SEC14L5: variants seen among roughly 807,000 people sequenced by gnomAD.
SEC14L5 encodes the protein SEC14 like lipid binding 5, also known as SEC14-like protein 5.
SEC14L5 carries 96 observed loss-of-function variants against 84.6 expected under a neutral mutation model. That is an observed-to-expected ratio of 1.13 (90% CI 0.96 to 1.34). SEC14L5 has a LOEUF of 1.34. Ranked by LOEUF, SEC14L5 falls within the 40% of genes most tolerant of loss-of-function variation. The pLI is 0.00. For missense variants in SEC14L5, 1,224 were observed against 942.5 expected, an observed-to-expected ratio of 1.30 and a Z score of -3.91; for synonymous variants, 546 against 383.4, an observed-to-expected ratio of 1.42 and a Z score of -4.95.
chr16:5,002,633 TG>T (rs1348521869), intron 10 of SEC14L5, among the ~76,000 whole-genome samples: 2 of 152,140 alleles, frequency 1.3e-5, no homozygotes, highest in African/African-American at 4.8e-5. Flanking sequence ...CATGAAGGGA[TG>T]CTTTGGAGAG....
chr16:4,985,491 G>T (rs866811690), intron 2 of SEC14L5, among the ~76,000 whole-genome samples: 8 of 152,270 alleles, frequency 5.3e-5, no homozygotes, highest in Admixed American at 1.3e-4. Context: ...GCCCCCCAAG[G>T]TTCTGGGATT....
At position 5,015,044 on chromosome 16, in the gene SEC14L5, T is replaced by G; in HGVS notation, c.*74T>G. ...TGTCCAGAATGAGAAGCCAGCTAAC[T>G]GCAGGGCCTGGGACCATGTGGGCTG... On this transcript the variant is annotated 3_prime_UTR_variant, in exon 16 of 16. Transcript: ENST00000251170. The G allele has an allele frequency of 1.7e-6, 2 of 1,207,400 alleles. No individual in the cohort carries two copies. Among genetic ancestry groups the G allele is most frequent in the Non-Finnish European group, 2.4e-6 (2 of 835,084 alleles). 74.8% of individuals were successfully genotyped at this position (1,207,400 alleles called of 1,614,324 possible).
chr16:4,964,231 C>T (rs1029356620), intron 2 of SEC14L5, among the ~76,000 whole-genome samples: 5 of 152,242 alleles, frequency 3.3e-5, no homozygotes, highest in Non-Finnish European at 7.3e-5. Flanking sequence ...GTCCCGAAGG[C>T]CATGCTCTGC....
intron 2 of SEC14L5, among the ~76,000 whole-genome samples, chr16:4,963,251 T>G (rs570542653): frequency 1.3e-5 from 2 of 152,190 alleles, no homozygotes; most frequent in Non-Finnish European, 2.9e-5. Context: ...CTTAAAAAAT[T>G]TATCTAGTCA....
chr16:4,970,327 G>C lies in SEC14L5; in HGVS notation c.63+10941G>C, dbSNP rs372763384. Among the ~76,000 whole-genome samples the C allele has an allele frequency of 3.9e-5, 6 of 152,226 alleles. No homozygotes were observed. The South Asian group carries it at 8.3e-4, about 21-fold the overall frequency. On this transcript the variant is annotated intron_variant, in intron 2 of 15. Transcript: ENST00000251170. Reference sequence around the variant, plus strand: ...GGGAAGCAGGGAGTGGGGAGGTGGGGGATGTTAAGCAGGGTTTAGCCTATG... The same window carrying C: ...GGGAAGCAGGGAGTGGGGAGGTGGGCGATGTTAAGCAGGGTTTAGCCTATG...
At chr16:4,999,682 A>G (rs1271953032) in intron 8 of SEC14L5, among the ~76,000 whole-genome samples, 1 of 152,038 alleles carries the variant, frequency 6.6e-6, no homozygotes, top group African/African-American at 2.4e-5. Context: ...TGGAAGGCCG[A>G]GGCGGCAGAT....
At chr16:4,968,884 C>T (rs769404865) in intron 2 of SEC14L5, among the ~76,000 whole-genome samples, 1 of 152,250 alleles carries the variant, frequency 6.6e-6, no homozygotes, top group Non-Finnish European at 1.5e-5. Flanking sequence ...TATTTAAAGA[C>T]CTGGCCTTGT....
intron 8 of SEC14L5, 28 bp from the exon 9 acceptor site, chr16:5,000,627 T>C (rs967237614): frequency 4.6e-6 from 7 of 1,524,764 alleles, no homozygotes; most frequent in Non-Finnish European, 5.3e-6. Flanking sequence ...TAACGGGCTC[T>C]TCTTTCTGCT....
intron 2 of SEC14L5, among the ~76,000 whole-genome samples, chr16:4,981,996 G>A (rs962566283): frequency 6.6e-6 from 1 of 152,130 alleles, no homozygotes. Context: ...TTGCCAGCTC[G>A]CTGAGTCCAG....
chr16:4,993,165 C>T (rs1192585989), intron 6 of SEC14L5, among the ~76,000 whole-genome samples: 1 of 152,124 alleles, frequency 6.6e-6, no homozygotes, highest in African/African-American at 2.4e-5. Flanking sequence ...GCCCCAGCTT[C>T]CTGAGTAGCT....
intron 11 of SEC14L5, among the ~76,000 whole-genome samples, 200 bp downstream of exon 11, chr16:5,003,773 T>A (rs1955702675): frequency 6.6e-6 from 1 of 152,232 alleles, no homozygotes; most frequent in African/African-American, 2.4e-5. Context: ...GTTAAGCAAT[T>A]GTCACCACTA....
chr16:5,007,927 A>G (rs1340338450), intron 13 of SEC14L5, among the ~76,000 whole-genome samples: 5 of 65,106 alleles, frequency 7.7e-5, no homozygotes, highest in East Asian at 4.3e-4. Flanking sequence ...TTTTTTTTTG[A>G]GACCGAGTCT....
At chr16:4,995,252 G>C (rs1289250343) in intron 6 of SEC14L5, among the ~76,000 whole-genome samples, 1 of 152,318 alleles carries the variant, frequency 6.6e-6, no homozygotes, top group East Asian at 1.9e-4. Flanking sequence ...GAGATGCCAC[G>C]AGGCCTCTGC....
In SEC14L5 at chr16:4,961,714, C is replaced by T. The variant is rs563885605; in HGVS notation, c.63+2328C>T. Among the ~76,000 whole-genome samples the T allele has an allele frequency of 9.2e-5, 14 of 152,250 alleles. No individual in the cohort carries two copies. In the South Asian group the frequency reaches 2.5e-3, roughly 27 times the overall value. On this transcript the variant is annotated intron_variant, in intron 2 of 15. Coordinates refer to ENST00000251170, the MANE Select transcript of SEC14L5 (RefSeq NM_014692.2). ...TTGTAAATATTTTCAGAACCCTAAA[C>T]GTGACAAATTAAGTTGGAATTTATT...
intron 2 of SEC14L5, among the ~76,000 whole-genome samples, chr16:4,974,093 G>A (rs1206134199): frequency 2.6e-5 from 4 of 152,116 alleles, no homozygotes; most frequent in African/African-American, 2.4e-5. Context: ...GGGAGGGGGC[G>A]GAGATGGGGT....
chr16:5,013,604 G>A (rs1051009406), intron 15 of SEC14L5, among the ~76,000 whole-genome samples: 2 of 134,374 alleles, frequency 1.5e-5, no homozygotes, highest in East Asian at 2.2e-4. Flanking sequence ...TGTCACCCAG[G>A]CTGGAGTACA....
At chr16:4,990,450 G>A (rs1031103900) in intron 4 of SEC14L5, among the ~76,000 whole-genome samples, 5 of 152,202 alleles carry the variant, frequency 3.3e-5, no homozygotes, top group African/African-American at 1.2e-4. Context: ...GGCGTGAGCC[G>A]CCATGCCCGA....
intron 10 of SEC14L5, among the ~76,000 whole-genome samples, chr16:5,003,063 C>T (rs954687721): frequency 7.9e-5 from 12 of 152,218 alleles, no homozygotes; most frequent in Admixed American, 5.9e-4. Context: ...GTGGTGTGCC[C>T]GTCCTTGCAG....
At chr16:4,981,603 G>T (rs1955424685) in intron 2 of SEC14L5, among the ~76,000 whole-genome samples, 1 of 152,114 alleles carries the variant, frequency 6.6e-6, no homozygotes, top group Non-Finnish European at 1.5e-5. Context: ...ACAGTGCCTG[G>T]CTCTGTTTCT....
Sources: allele counts gnomAD v4.1 joint callset (sites outside exome capture counted in the v4.1 genomes callset), GRCh38; gene constraint gnomAD v4.1.1; transcripts MANE v1.5; gene names NCBI Gene and HGNC (gene_info 2026-07-23, HGNC 2026-07-21).